ARHGAP24: variants seen among roughly 807,000 people sequenced by gnomAD.
The protein encoded by ARHGAP24 is rho GTPase-activating protein 24.
Under a neutral mutation model 76.4 loss-of-function variants are expected in ARHGAP24, and 50 were observed. The ratio of observed to expected loss-of-function variants is 0.65; its 90% CI spans 0.52 to 0.83. The LOEUF (loss-of-function observed/expected upper bound fraction) is 0.83. Among genes scored for constraint, ARHGAP24 ranks in the 40% least tolerant of loss-of-function variants. ARHGAP24 has a pLI of 0.00. For missense variants in ARHGAP24, 930 were observed against 914.2 expected, an observed-to-expected ratio of 1.02 and a Z score of -0.22; for synonymous variants, 345 against 323.3, an observed-to-expected ratio of 1.07 and a Z score of -0.72.
chr4:85,573,372 G>A (rs956121584), intron 2 of ARHGAP24, among the ~76,000 whole-genome samples: 1 of 152,092 alleles, frequency 6.6e-6, no homozygotes, highest in East Asian at 1.9e-4. Flanking sequence ...TTCTATGAGT[G>A]GCCTAATTTC....
chr4:85,707,610 G>A (rs1724367441), intron 2 of ARHGAP24, among the ~76,000 whole-genome samples: 1 of 151,988 alleles, frequency 6.6e-6, no homozygotes, highest in African/African-American at 2.4e-5. Flanking sequence ...TTTATTTTTT[G>A]TTAGAAATAG....
intron 3 of ARHGAP24, among the ~76,000 whole-genome samples, chr4:85,878,727 T>A (rs1374406374): frequency 6.6e-6 from 1 of 152,214 alleles, no homozygotes; most frequent in East Asian, 1.9e-4. Context: ...GTACTTGTTA[T>A]CATAGAGGAT....
At chr4:85,734,959 AT>A (rs1422506731) in intron 3 of ARHGAP24, among the ~76,000 whole-genome samples, 1 of 152,072 alleles carries the variant, frequency 6.6e-6, no homozygotes, top group Non-Finnish European at 1.5e-5. Flanking sequence ...TATTCCCCTA[AT>A]TTCCTAATAC....
At chr4:85,972,492 G>A (rs572880058) in intron 6 of ARHGAP24, 11 of 334,692 alleles carry the variant, frequency 3.3e-5, no homozygotes, top group African/African-American at 2.1e-4. Context: ...TCTTTTAATC[G>A]TGTGGACCCA....
intron 3 of ARHGAP24, among the ~76,000 whole-genome samples, chr4:85,824,162 A>G (rs1206878060): frequency 2.6e-5 from 4 of 152,174 alleles, no homozygotes; most frequent in Admixed American, 2.6e-4. Flanking sequence ...ATTATCTTTA[A>G]ACATCTACAT....
intron 3 of ARHGAP24, among the ~76,000 whole-genome samples, chr4:85,844,377 A>G (rs1008096635): frequency 2.6e-5 from 4 of 152,222 alleles, no homozygotes; most frequent in Admixed American, 6.5e-5. Context: ...GTAAATATTT[A>G]TTGAGTGAAT....
rs1027792103 is a variant in ARHGAP24, at chr4:85,839,404, C to T, written c.269-84244C>T. On this transcript the variant is annotated intron_variant, in intron 3 of 9. Coordinates refer to ENST00000395184, the MANE Select transcript of ARHGAP24 (RefSeq NM_001025616.3). ...TTATGTTCACACAGAACTTCTTTAT[C>T]AGTTCAGATAAAGCTTTAAACCTGA... is the stretch of plus-strand genomic sequence containing the variant. Among the ~76,000 whole-genome samples, 3 of 152,180 alleles carry T rather than the reference C, an allele frequency of 2.0e-5. No homozygotes were observed. In the South Asian group the frequency reaches 6.2e-4, roughly 32 times the overall value.
chr4:85,706,560 G>GT (rs1002019905), intron 2 of ARHGAP24, among the ~76,000 whole-genome samples: 215 of 145,298 alleles, frequency 1.5e-3, no homozygotes, highest in East Asian at 4.4e-3. Flanking sequence ...TGTTGTTTTT[G>GT]TTTTTTTTTT....
intron 2 of ARHGAP24, among the ~76,000 whole-genome samples, chr4:85,667,301 C>G (rs1243648903): frequency 6.6e-6 from 1 of 152,162 alleles, no homozygotes; most frequent in South Asian, 2.1e-4. Context: ...ACCCTCTGAG[C>G]CAGGTGCTGG....
rs532036760 is a variant in ARHGAP24, at chr4:85,573,035, C to T, written c.180+2314C>T. 2.6e-5 allele frequency among the ~76,000 whole-genome samples: 4 copies of T among 151,918 alleles called. No homozygotes were observed. The South Asian group carries it at 8.3e-4, about 32-fold the overall frequency. ...GGGACTACATGAGTGCGCCACCACA[C>T]CCGGCTAATTTTTTGTATTTTTAGT... is the stretch of plus-strand genomic sequence containing the variant. On this transcript the variant is annotated intron_variant, in intron 2 of 9. Coordinates refer to ENST00000395184, the MANE Select transcript of ARHGAP24 (RefSeq NM_001025616.3).
At chr4:85,921,232 G>A (rs1053795869) in intron 3 of ARHGAP24, among the ~76,000 whole-genome samples, 1 of 152,064 alleles carries the variant, frequency 6.6e-6, no homozygotes, top group Non-Finnish European at 1.5e-5. Context: ...TTCTTTGCAG[G>A]GACATGAATG....
At chr4:85,533,180 G>T (rs1456147707) in intron 1 of ARHGAP24, among the ~76,000 whole-genome samples, 2 of 152,148 alleles carry the variant, frequency 1.3e-5, no homozygotes, top group African/African-American at 4.8e-5. Flanking sequence ...CAGGCTTATG[G>T]TGATAAACCT....
chr4:85,972,699 A>G (rs1290071368), intron 6 of ARHGAP24, among the ~76,000 whole-genome samples: 4 of 152,162 alleles, frequency 2.6e-5, no homozygotes, highest in Non-Finnish European at 5.9e-5. Flanking sequence ...AATATTTACA[A>G]TATTTTTATT....
At chr4:85,629,070 G>A (rs1487307513) in intron 2 of ARHGAP24, among the ~76,000 whole-genome samples, 1 of 152,096 alleles carries the variant, frequency 6.6e-6, no homozygotes, top group Non-Finnish European at 1.5e-5. Flanking sequence ...GTGATGTGAT[G>A]ATTCTTTTTG....
At chr4:85,562,310 G>A (rs947308095) in intron 1 of ARHGAP24, among the ~76,000 whole-genome samples, 2 of 152,180 alleles carry the variant, frequency 1.3e-5, no homozygotes, top group Admixed American at 6.5e-5. Context: ...TGATTACTAT[G>A]ATAGTAATCA....
intron 5 of ARHGAP24, among the ~76,000 whole-genome samples, chr4:85,961,600 A>G (rs1441647936): frequency 6.6e-5 from 10 of 152,144 alleles, no homozygotes; most frequent in Non-Finnish European, 5.9e-5. Flanking sequence ...ATGGCAGGAA[A>G]TGAGTGACAT....
intron 2 of ARHGAP24, chr4:85,570,926 T>A: frequency 1.8e-6 from 1 of 545,120 alleles, no homozygotes; most frequent in Non-Finnish European, 3.2e-6. Context: ...ATTATACTTG[T>A]CTAATATTAA....
At chr4:85,683,843 G>A (rs1263370254) in intron 2 of ARHGAP24, among the ~76,000 whole-genome samples, 1 of 152,104 alleles carries the variant, frequency 6.6e-6, no homozygotes, top group African/African-American at 2.4e-5. Context: ...CGTGTAAGTG[G>A]AATAATGCAA....
chr4:85,841,683 T>C (rs1267232556), intron 3 of ARHGAP24, among the ~76,000 whole-genome samples: 1 of 152,208 alleles, frequency 6.6e-6, no homozygotes, highest in East Asian at 1.9e-4. Flanking sequence ...TTTTGCTTGA[T>C]TGAAATGATG....
Sources: gnomAD v4.1 joint callset for allele counts (sites outside exome capture counted in the v4.1 genomes callset) on GRCh38, gnomAD v4.1.1 for gene constraint, MANE v1.5 for transcripts, NCBI Gene and HGNC (gene_info 2026-07-23, HGNC 2026-07-21) for gene names.